NPTX1: variants seen among roughly 807,000 people sequenced by gnomAD.
The protein encoded by NPTX1 is neuronal pentraxin-1.
Under a neutral mutation model 38.7 loss-of-function variants are expected in NPTX1, and 12 were observed. The ratio of observed to expected loss-of-function variants is 0.31; its 90% CI spans 0.20 to 0.50. The LOEUF (loss-of-function observed/expected upper bound fraction) is 0.50, where lower values mean the gene tolerates loss of function less well. Ranked by LOEUF, NPTX1 falls within the 20% of genes least tolerant of loss-of-function variation. The pLI is 0.98. For missense variants in NPTX1, 454 were observed against 592.2 expected (o/e 0.77, Z 2.42); for synonymous variants, 272 against 264.9 (o/e 1.03, Z -0.26).
Position 80,471,775 on chromosome 17 carries a change from TGA to T in NPTX1, c.1032_1033del (p.Tyr344Ter). 6.2e-7 allele frequency: 1 copy of T among 1,613,122 alleles called. No individual in the cohort carries two copies. Among genetic ancestry groups the T allele is most frequent in the Non-Finnish European group, 8.5e-7 (1 of 1,179,988 alleles). ...CAGCACGCCCTGGGGCTTGATGGGG[TGA>T]TAGGGCGCCAAGTTCTCGCCACTGC... On this transcript the variant is annotated stop_gained and frameshift_variant, in exon 4 of 5. Coordinates refer to ENST00000306773, the MANE Select transcript of NPTX1 (RefSeq NM_002522.4). LOFTEE classifies it high-confidence loss of function.
rs57945494 is a variant in NPTX1 at position 80,466,899 on chromosome 17, G to GAAA, written c.*3911_*3913dup. On this transcript the variant is annotated 3_prime_UTR_variant, in exon 5 of 5. Transcript: ENST00000306773. Reference sequence around the variant, plus strand: ...ATTCATGTCATTTCAGCAAGAAAATGAAAAAAAAAAAAAAAGCAAGAATAC... The same window carrying GAAA: ...ATTCATGTCATTTCAGCAAGAAAATGAAAAAAAAAAAAAAAAAAGCAAGAATAC... Among the ~76,000 whole-genome samples the GAAA allele has an allele frequency of 4.5e-5, 6 of 132,260 alleles. No homozygotes were observed. Among genetic ancestry groups the GAAA allele is most frequent in the Non-Finnish European group, 6.3e-5 (4 of 63,628 alleles). The allele number at this position is 132,260 out of a possible 152,430, so 86.8% of individuals were successfully genotyped here. A position where few individuals can be genotyped will look rare whatever the true frequency, so the allele number is the denominator to read the frequency against.
chr17:80,475,560 G>C lies in NPTX1; in HGVS notation c.603C>G (p.Ile201Met), dbSNP rs747241801. The C allele has an allele frequency of 6.2e-6, 10 of 1,612,892 alleles. No homozygotes were observed. The highest frequency in any genetic ancestry group is 1.1e-5 in the South Asian group (1 of 91,012). ...GGTGCAGGGAGGTCAGGGCGGTCTC[G>C]ATCTTGACCCTCTCCTCGGTGTCGT... The part of the protein sequence containing the change: ...PRNDTEERVK[I>M]ETALTSLHQR... Residue 201 changes from isoleucine to methionine, a missense_variant, in exon 2 of 5, where the codon ATC (isoleucine) becomes ATG (methionine). Transcript: ENST00000306773. This position sits in a 1 kb window ranked among gnomAD's most constrained non-coding sequence, Gnocchi z 6.5.
Position 80,475,740 on chromosome 17 carries a change from G to T in NPTX1, c.445-22C>A. ...ACTGCTGCGGGGTGCAAGGGCGGGG[G>T]AAACCACACCGTTAGGCGAGGCGCG... On this transcript the variant is annotated intron_variant, in intron 1 of 4. Coordinates refer to ENST00000306773, the MANE Select transcript of NPTX1 (RefSeq NM_002522.4). The surrounding 1 kb of genome is among the most constrained non-coding windows in gnomAD (Gnocchi z 6.5). The T allele has an allele frequency of 6.4e-7, 1 of 1,570,114 alleles. No individual in the cohort carries two copies. Among genetic ancestry groups the T allele is most frequent in the Non-Finnish European group, 8.7e-7 (1 of 1,147,298 alleles).
In NPTX1 at chr17:80,475,915, G is replaced by GA. The variant is rs2083878505; in HGVS notation, c.444+87dup. On this transcript the variant is annotated intron_variant, in intron 1 of 4. Transcript: ENST00000306773. This position sits in a 1 kb window ranked among gnomAD's most constrained non-coding sequence, Gnocchi z 6.5. The stretch of plus-strand genomic sequence containing the variant: ...CCGCGCGGCTGAGGCGAGGGCGGGG[G>GA]ATGCCTGGCCGGGTAGGGAACGGGG... The GA allele has an allele frequency of 1.9e-5, 22 of 1,156,852 alleles. No individual in the cohort carries two copies. Among genetic ancestry groups the GA allele is most frequent in the Non-Finnish European group, 2.7e-5 (22 of 829,744 alleles). 71.7% of individuals were successfully genotyped at this position (1,156,852 alleles called of 1,614,324 possible).
At position 80,476,512 on chromosome 17, in the gene NPTX1, C is replaced by G; in HGVS notation, c.-66G>C. 1.0e-6 allele frequency: 1 copy of G among 975,498 alleles called. No individual in the cohort carries two copies. The highest frequency in any genetic ancestry group is 4.8e-5 in the South Asian group (1 of 20,630). 60.4% of individuals were successfully genotyped at this position (975,498 alleles called of 1,614,324 possible). A position where few individuals can be genotyped will look rare whatever the true frequency, so the allele number is the denominator to read the frequency against. ...CTGGGGCTCGGCTCCGGCTGGGACCCGGCTCGGGCTGTGGCTCCGCGAGCG... is the reference window on the plus strand; with the variant it reads ...CTGGGGCTCGGCTCCGGCTGGGACCGGGCTCGGGCTGTGGCTCCGCGAGCG... On this transcript the variant is annotated 5_prime_UTR_variant, in exon 1 of 5. Transcript: ENST00000306773. This position sits in a 1 kb window ranked among gnomAD's most constrained non-coding sequence, Gnocchi z 6.3.
chr17:80,473,510 C>G (rs144140739), intron 2 of NPTX1, 66 bp from the exon 3 acceptor site: 44,222 of 1,536,894 alleles, frequency 0.029, 750 homozygotes, highest in South Asian at 0.055. Context: ...GAGTTGAGTT[C>G]GGTCCCCACC....
chr17:80,475,646 G>A lies in NPTX1; in HGVS notation c.517C>T (p.Leu173=). 2.5e-6 allele frequency: 4 copies of A among 1,613,034 alleles called. No individual in the cohort carries two copies. The highest frequency in any genetic ancestry group is 3.4e-6 in the Non-Finnish European group (4 of 1,179,722). Residue 173 remains leucine, a synonymous_variant, in exon 2 of 5, where the codon CTG becomes TTG. Transcript: ENST00000306773. The surrounding 1 kb of genome is among the most constrained non-coding windows in gnomAD (Gnocchi z 6.5). ...KDLLQSKIDE[L]ERQVLSRVNT... is the part of the protein sequence containing the mutation. ...ACCCGGGACAGCACCTGCCTCTCCA[G>A]CTCATCGATCTTGCTCTGCAGCAGA...
At chr17:80,472,918 C>T (rs763040943) in intron 3 of NPTX1, among the ~76,000 whole-genome samples, 44 of 152,332 alleles carry the variant, frequency 2.9e-4, no homozygotes, top group Non-Finnish European at 5.0e-4. Context: ...ATCACATCAT[C>T]GGGCAGGGCC....
intron 4 of NPTX1, among the ~76,000 whole-genome samples, 198 bp from the exon 5 acceptor site, chr17:80,471,232 G>C (rs570703243): frequency 1.3e-5 from 2 of 152,252 alleles, no homozygotes; most frequent in Admixed American, 1.3e-4. Context: ...CAAGAAAAGG[G>C]ATGGCACCGA....
At position 80,470,917 on chromosome 17, in the gene NPTX1, T is replaced by G; in HGVS notation, c.1195A>C (p.Thr399Pro). Residue 399 changes from threonine to proline, a missense_variant, in exon 5 of 5, where the codon ACC (threonine) becomes CCC (proline). Transcript: ENST00000306773. ...ATGACATTGCCGGACAGAGCCTTGGTGCTGCAGGTGGCCAGGTTGTACACC... is the reference window on the plus strand; with the variant it reads ...ATGACATTGCCGGACAGAGCCTTGGGGCTGCAGGTGGCCAGGTTGTACACC... ...GEVYNLATCSTKALSGNVIAW... is the reference protein window; with the variant it reads ...GEVYNLATCSPKALSGNVIAW... The G allele has an allele frequency of 6.2e-7, 1 of 1,613,692 alleles. No homozygotes were observed. The highest frequency in any genetic ancestry group is 8.5e-7 in the Non-Finnish European group (1 of 1,179,724).
rs1200159604 is a variant in NPTX1, at chr17:80,475,429, C to T, written c.652+82G>A. The T allele has an allele frequency of 2.9e-6, 3 of 1,018,790 alleles. No homozygotes were observed. The African/African-American group carries it at 4.6e-5, about 16-fold the overall frequency. The allele number at this position is 1,018,790 out of a possible 1,614,324, so 63.1% of individuals were successfully genotyped here. A position where few individuals can be genotyped will look rare whatever the true frequency, so the allele number is the denominator to read the frequency against. On this transcript the variant is annotated intron_variant, in intron 2 of 4. Coordinates refer to ENST00000306773, the MANE Select transcript of NPTX1 (RefSeq NM_002522.4). This position sits in a 1 kb window ranked among gnomAD's most constrained non-coding sequence, Gnocchi z 6.5. ...GGCTTGAGGCTTGCACAGTGCAGAG[C>T]TGGGCTGTTAGGGATCGGGACCGAG...
At chr17:80,471,599 C>A in intron 4 of NPTX1, 133 bp downstream of exon 4, 1 of 1,414,890 alleles carries the variant, frequency 7.1e-7, no homozygotes, top group South Asian at 1.5e-5. Context: ...CAGGCCTTGC[C>A]CAGCCTGCTC....
Position 80,476,429 on chromosome 17 carries a change from G to C in NPTX1, c.18C>G (p.Ala6=), listed in dbSNP as rs1381061685. The part of the protein sequence containing the change: MPAGR[A]ARTCALLALC... ...GGGCGAGCAGCGCACAGGTGCGCGC[G>C]GCGCGGCCGGCCGGCATGGCTGCGG... is the stretch of plus-strand genomic sequence containing the variant. The change falls in exon 1 of 5, where the codon GCC becomes GCG. Residue 6 remains alanine (A), a synonymous_variant. Transcript: ENST00000306773. The surrounding 1 kb of genome is among the most constrained non-coding windows in gnomAD (Gnocchi z 6.3). 4.4e-6 allele frequency: 6 copies of C among 1,350,074 alleles called. No individual in the cohort carries two copies. The African/African-American group carries it at 6.2e-5, about 14-fold the overall frequency. The allele number at this position is 1,350,074 out of a possible 1,614,324, so 83.6% of individuals were successfully genotyped here. A position where few individuals can be genotyped will look rare whatever the true frequency, so the allele number is the denominator to read the frequency against.
chr17:80,467,184 C>T lies in NPTX1; in HGVS notation c.*3629G>A, dbSNP rs372517501. 7.5e-6 allele frequency: 1 copy of T among 133,748 alleles called. No homozygotes were observed. The highest frequency in any genetic ancestry group is 1.5e-5 in the Non-Finnish European group (1 of 64,764). 8.3% of individuals were successfully genotyped at this position (133,748 alleles called of 1,614,324 possible). A position where few individuals can be genotyped will look rare whatever the true frequency, so the allele number is the denominator to read the frequency against. ...CAAAATTGGGACTCTAAGTATTGGG[C>T]TTTTTTTTTCTCTTCAATGACTTGT... On this transcript the variant is annotated 3_prime_UTR_variant, in exon 5 of 5. Transcript: ENST00000306773.
At chr17:80,471,152 TC>T in intron 4 of NPTX1, 118 bp from the exon 5 acceptor site, 1 of 718,452 alleles carries the variant, frequency 1.4e-6, no homozygotes. Flanking sequence ...TCACGGACAC[TC>T]CTAGGTGCCG....
chr17:80,471,065 G>A, intron 4 of NPTX1, 31 bp from the exon 5 acceptor site: 1 of 1,530,754 alleles, frequency 6.5e-7, no homozygotes, highest in South Asian at 1.2e-5. Context: ...TGAGAGTGGA[G>A]GGGTCGCCAG....
Position 80,475,920 on chromosome 17 carries a change from C to A in NPTX1, c.444+83G>T. The A allele has an allele frequency of 4.9e-6, 6 of 1,214,774 alleles. No homozygotes were observed. Among genetic ancestry groups the A allele is most frequent in the Non-Finnish European group, 6.8e-6 (6 of 877,754 alleles). The allele number at this position is 1,214,774 out of a possible 1,614,324, so 75.2% of individuals were successfully genotyped here. A position where few individuals can be genotyped will look rare whatever the true frequency, so the allele number is the denominator to read the frequency against. Reference sequence around the variant, plus strand: ...CGGCTGAGGCGAGGGCGGGGGATGCCTGGCCGGGTAGGGAACGGGGTGGGG... The same window carrying A: ...CGGCTGAGGCGAGGGCGGGGGATGCATGGCCGGGTAGGGAACGGGGTGGGG... On this transcript the variant is annotated intron_variant, in intron 1 of 4. Coordinates refer to ENST00000306773, the MANE Select transcript of NPTX1 (RefSeq NM_002522.4). The surrounding 1 kb of genome is among the most constrained non-coding windows in gnomAD (Gnocchi z 6.5).
chr17:80,472,019 C>A (rs913803096), intron 3 of NPTX1, 108 bp from the exon 4 acceptor site: 2 of 1,028,440 alleles, frequency 1.9e-6, no homozygotes, highest in Non-Finnish European at 2.8e-6. Flanking sequence ...AAGTAAATGT[C>A]AATAACTATT....
Position 80,468,990 on chromosome 17 carries a change from C to G in NPTX1, c.*1823G>C, listed in dbSNP as rs1438236553. 1 of 152,248 alleles carries G rather than the reference C, an allele frequency of 6.6e-6. No individual in the cohort carries two copies. Among genetic ancestry groups the G allele is most frequent in the Non-Finnish European group, 1.5e-5 (1 of 68,044 alleles). 9.4% of individuals were successfully genotyped at this position (152,248 alleles called of 1,614,324 possible). On this transcript the variant is annotated 3_prime_UTR_variant, in exon 5 of 5. Transcript: ENST00000306773. The stretch of plus-strand genomic sequence containing the variant: ...GCGCAGCACGGCGCCTGATCTGCAC[C>G]CCCCTCTGCGGGAGTGATGCATTGC...
Sources: allele counts gnomAD v4.1 joint callset (sites outside exome capture counted in the v4.1 genomes callset), GRCh38; gene constraint gnomAD v4.1.1; non-coding constraint Gnocchi (gnomAD v3.1); transcripts MANE v1.5; gene names NCBI Gene and HGNC (gene_info 2026-07-23, HGNC 2026-07-21).